RNF4: variants seen among roughly 807,000 people sequenced by gnomAD.
RNF4 encodes ring finger protein 4.
A neutral mutation model predicts 24.3 loss-of-function variants in RNF4; 7 were observed. That is an observed-to-expected ratio of 0.29 (90% CI 0.16 to 0.54). RNF4 has a LOEUF of 0.54. Among genes scored for constraint, RNF4 ranks in the 20% least tolerant of loss-of-function variants. The pLI is 0.95. For missense variants in RNF4, 209 were observed against 248.5 expected, an observed-to-expected ratio of 0.84 and a Z score of 1.07; for synonymous variants, 83 against 84.3, an observed-to-expected ratio of 0.98 and a Z score of 0.09.
chr4:2,473,888 A>G (rs1314912793), intron 1 of RNF4, among the ~76,000 whole-genome samples: 1 of 152,142 alleles, frequency 6.6e-6, no homozygotes, highest in African/African-American at 2.4e-5. Context: ...CCTGGCCAAC[A>G]TGATAAAACC....
intron 1 of RNF4, among the ~76,000 whole-genome samples, chr4:2,484,385 T>C (rs896063141): frequency 1.3e-5 from 2 of 152,022 alleles, no homozygotes; most frequent in Non-Finnish European, 2.9e-5. Flanking sequence ...AGTCTAACAC[T>C]CTTCCTGTTT....
rs1486932264 is a variant in RNF4, at chr4:2,515,804, T to TGG, written c.*1986_*1987dup. On this transcript the variant is annotated 3_prime_UTR_variant, in exon 8 of 8. Coordinates refer to ENST00000314289, the MANE Select transcript of RNF4 (RefSeq NM_002938.5). ...TATATCCATGGATATCAGTCTGCTT[T>TGG]GGACTCCTCTGCTAGTGTTACAGAT... The TGG allele has an allele frequency of 1.3e-5, 2 of 152,796 alleles. No homozygotes were observed. The highest frequency in any genetic ancestry group is 2.1e-4 in the South Asian group (1 of 4,828). The allele number at this position is 152,796 out of a possible 1,614,324, so 9.5% of individuals were successfully genotyped here.
intron 4 of RNF4, among the ~76,000 whole-genome samples, chr4:2,509,452 G>A (rs923098417): frequency 2.0e-5 from 3 of 152,066 alleles, no homozygotes; most frequent in South Asian, 2.1e-4. Flanking sequence ...TCCTGACCTC[G>A]AGTGATCCGC....
chr4:2,497,703 C>A (rs770010339), intron 3 of RNF4, among the ~76,000 whole-genome samples: 1 of 152,194 alleles, frequency 6.6e-6, no homozygotes, highest in African/African-American at 2.4e-5. Flanking sequence ...GGTGCAGTCT[C>A]GGCTCACTGC....
rs1736303549 is a variant in RNF4, at chr4:2,512,732, G to T, written c.374+135G>T. On this transcript the variant is annotated intron_variant, in intron 6 of 7. Transcript: ENST00000314289. The surrounding 1 kb of genome is among the most constrained non-coding windows in gnomAD (Gnocchi z 4.1). ...AGCCTCTACCCAGCATCTGGATACA[G>T]TTGGAACTGGGTCCAGAACTGAGTC... The T allele has an allele frequency of 3.9e-6, 4 of 1,031,284 alleles. No individual in the cohort carries two copies. The highest frequency in any genetic ancestry group is 1.7e-5 in the South Asian group (1 of 60,506). 63.9% of individuals were successfully genotyped at this position (1,031,284 alleles called of 1,614,324 possible).
At chr4:2,495,660 T>G (rs1422483736) in intron 2 of RNF4, among the ~76,000 whole-genome samples, 1 of 147,052 alleles carries the variant, frequency 6.8e-6, no homozygotes, top group African/African-American at 2.5e-5. Flanking sequence ...GAGATGGAGA[T>G]TTACTCTTGT....
chr4:2,494,165 G>A lies in RNF4; in HGVS notation c.10-2842G>A, dbSNP rs150508145. Among the ~76,000 whole-genome samples the A allele has an allele frequency of 8.0e-3, 1,223 of 152,170 alleles. 12 individuals carry two copies. The highest frequency in any genetic ancestry group is 0.022 in the African/African-American group (921 of 41,502). On this transcript the variant is annotated intron_variant, in intron 2 of 7. Transcript: ENST00000314289. ...TGCTGTAAAGAAATAGCATTTGAAC[G>A]TAAATTCAATTTTTTTTAGCAAGGC...
chr4:2,490,604 A>G (rs979049422), intron 2 of RNF4, 102 bp downstream of exon 2: 4 of 1,243,192 alleles, frequency 3.2e-6, no homozygotes, highest in Non-Finnish European at 4.6e-6. Flanking sequence ...TGTCACTTCT[A>G]AGTAACCCCA....
intron 1 of RNF4, among the ~76,000 whole-genome samples, chr4:2,478,984 A>G (rs1011578683): frequency 2.0e-5 from 3 of 152,240 alleles, no homozygotes; most frequent in African/African-American, 7.2e-5. Flanking sequence ...TGTACTCTGC[A>G]AAGCCACAGG....
chr4:2,506,571 C>CTT (rs147714212), intron 4 of RNF4, among the ~76,000 whole-genome samples: 1 of 138,876 alleles, frequency 7.2e-6, no homozygotes, highest in Non-Finnish European at 1.6e-5. Context: ...TCTTCTTCTT[C>CTT]TTTTTTTTTC....
At chr4:2,473,535 G>A (rs986971209) in intron 1 of RNF4, among the ~76,000 whole-genome samples, 4 of 152,100 alleles carry the variant, frequency 2.6e-5, no homozygotes, top group Non-Finnish European at 5.9e-5. Context: ...GAGCCTGGCC[G>A]GGCCTGGTGG....
At chr4:2,473,299 G>A (rs751197600) in intron 1 of RNF4, among the ~76,000 whole-genome samples, 1 of 151,878 alleles carries the variant, frequency 6.6e-6, no homozygotes, top group Non-Finnish European at 1.5e-5. Flanking sequence ...TAGGTTAATC[G>A]CTTGGGCCCA....
In RNF4 at chr4:2,484,894, A is replaced by G. The variant is rs574412351; in HGVS notation, c.-157-5443A>G. Among the ~76,000 whole-genome samples the G allele has an allele frequency of 2.2e-4, 34 of 152,236 alleles. No individual in the cohort carries two copies. In the South Asian group the frequency reaches 6.8e-3, roughly 31 times the overall value. On this transcript the variant is annotated intron_variant, in intron 1 of 7. Coordinates refer to ENST00000314289, the MANE Select transcript of RNF4 (RefSeq NM_002938.5). ...TCTCCCATCTGTTCTCACCAGACAC[A>G]GGTGACATGGTCTCTAAATGCAGAT...
intron 1 of RNF4, among the ~76,000 whole-genome samples, chr4:2,477,253 T>C (rs1735105084): frequency 6.6e-6 from 1 of 152,192 alleles, no homozygotes; most frequent in Admixed American, 6.5e-5. Context: ...GGCAGGTCTT[T>C]CCCATGCTGT....
Position 2,490,468 on chromosome 4 carries a change from G to A in RNF4, c.-26G>A. On this transcript the variant is annotated 5_prime_UTR_variant, in exon 2 of 8. Transcript: ENST00000314289. ...GGTATAGATCACTTCCTTTTCTGTA[G>A]GAAAGGAAAGGCACCAAAGAGCACA... The A allele has an allele frequency of 1.2e-6, 2 of 1,611,566 alleles. No individual in the cohort carries two copies. Among genetic ancestry groups the A allele is most frequent in the Non-Finnish European group, 1.7e-6 (2 of 1,178,760 alleles).
chr4:2,497,721 A>C (rs1248421841), intron 3 of RNF4, among the ~76,000 whole-genome samples: 1 of 152,018 alleles, frequency 6.6e-6, no homozygotes, highest in Non-Finnish European at 1.5e-5. Context: ...TGCAAGCTCC[A>C]CATCCTGGGT....
intron 1 of RNF4, among the ~76,000 whole-genome samples, chr4:2,474,983 C>T (rs113717693): frequency 0.29 from 43,735 of 151,948 alleles, 8,095 homozygotes; most frequent in Admixed American, 0.49. Context: ...GCCAAGATTG[C>T]GCCGTTGTAC....
chr4:2,491,199 A>C (rs1403856907), intron 2 of RNF4, among the ~76,000 whole-genome samples: 1 of 152,214 alleles, frequency 6.6e-6, no homozygotes, highest in Non-Finnish European at 1.5e-5. Flanking sequence ...ATATTCACTG[A>C]CCAAAGTTGA....
At chr4:2,511,195 C>G (rs1736263942) in intron 4 of RNF4, among the ~76,000 whole-genome samples, 4 of 152,232 alleles carry the variant, frequency 2.6e-5, no homozygotes, top group Admixed American at 2.6e-4. Flanking sequence ...GAAGAGAAAG[C>G]TGCAGCCCCC....
Sources: gnomAD v4.1 joint callset for allele counts (sites outside exome capture counted in the v4.1 genomes callset) on GRCh38, gnomAD v4.1.1 for gene constraint, Gnocchi (gnomAD v3.1) non-coding constraint, MANE v1.5 for transcripts, NCBI Gene and HGNC (gene_info 2026-07-23, HGNC 2026-07-21) for gene names.